Variants in ANKRD16 observed in about 807,000 individuals in gnomAD.
The protein encoded by ANKRD16 is ankyrin repeat domain 16.
A neutral mutation model predicts 37.9 loss-of-function variants in ANKRD16; 35 were observed. The ratio of observed to expected loss-of-function variants is 0.92; its 90% CI spans 0.71 to 1.23. The LOEUF (loss-of-function observed/expected upper bound fraction) is 1.23. Among genes scored for constraint, ANKRD16 ranks in the 50% most tolerant of loss-of-function variants. ANKRD16 has a pLI of 0.00. For missense variants in ANKRD16, 480 were observed against 469.9 expected (o/e 1.02, Z -0.20); for synonymous variants, 206 against 197.2 (o/e 1.04, Z -0.37).
rs868023691 is a variant in ANKRD16 at position 5,866,708 on chromosome 10, G to A, written c.*34-4017C>T. 1.3e-5 allele frequency among the ~76,000 whole-genome samples: 2 copies of A among 152,174 alleles called. No homozygotes were observed. Among genetic ancestry groups the A allele is most frequent in the South Asian group, 4.1e-4 (2 of 4,830 alleles). On this transcript the variant is annotated intron_variant, in intron 7 of 7. Coordinates refer to ENST00000380094, the MANE Select transcript of ANKRD16 (RefSeq NM_019046.3). The surrounding 1 kb of genome is among the most constrained non-coding windows in gnomAD (Gnocchi z 4.3). The stretch of plus-strand genomic sequence containing the variant: ...GAAGCCATCAAAAAGGGGAAGGAGA[G>A]GGGAGAACAGCAGCGTAAGTGGCTG...
At position 5,864,743 on chromosome 10, in the gene ANKRD16, G is replaced by C. The variant is rs1276665913; in HGVS notation, c.*34-2052C>G. ...ACCTCAACTCAGACCATGGGTACTG[G>C]AGTTGTAAACATCTGCTGATCTGTG... is the stretch of plus-strand genomic sequence containing the variant. On this transcript the variant is annotated intron_variant, in intron 7 of 7. Coordinates refer to ENST00000380094, the MANE Select transcript of ANKRD16 (RefSeq NM_019046.3). This position sits in a 1 kb window ranked among gnomAD's most constrained non-coding sequence, Gnocchi z 4.4. Among the ~76,000 whole-genome samples, 2 of 151,662 alleles carry C rather than the reference G, an allele frequency of 1.3e-5. No homozygotes were observed. The highest frequency in any genetic ancestry group is 2.4e-5 in the African/African-American group (1 of 40,954).
chr10:5,888,319 T>C (rs1404103546), intron 1 of ANKRD16, among the ~76,000 whole-genome samples: 1 of 152,178 alleles, frequency 6.6e-6, no homozygotes, highest in African/African-American at 2.4e-5. Context: ...ACAAAGCAGC[T>C]TATAAGCTAG....
At chr10:5,885,535 G>A (rs1322767357) in intron 3 of ANKRD16, among the ~76,000 whole-genome samples, 188 bp downstream of exon 3, 1 of 152,040 alleles carries the variant, frequency 6.6e-6, no homozygotes, top group Non-Finnish European at 1.5e-5. Context: ...TTTTGCCGCT[G>A]AAAACATTTT....
Position 5,889,485 on chromosome 10 carries a change from A to G in ANKRD16, c.-131T>C. On this transcript the variant is annotated 5_prime_UTR_variant, in exon 1 of 8. Transcript: ENST00000380094. Reference sequence around the variant, plus strand: ...CTGCCCCGCGCGCCCCGAACCCGGCAGAACCGCCCCTCACGCCCCCGGCTT... The same window carrying G: ...CTGCCCCGCGCGCCCCGAACCCGGCGGAACCGCCCCTCACGCCCCCGGCTT... 1 of 595,824 alleles carries G rather than the reference A, an allele frequency of 1.7e-6. No homozygotes were observed. Among genetic ancestry groups the G allele is most frequent in the Middle Eastern group, 6.3e-4 (1 of 1,576 alleles). The allele number at this position is 595,824 out of a possible 1,614,324, so 36.9% of individuals were successfully genotyped here.
chr10:5,867,899 G>A (rs189164520), intron 7 of ANKRD16, among the ~76,000 whole-genome samples: 33 of 152,320 alleles, frequency 2.2e-4, no homozygotes, highest in Non-Finnish European at 4.6e-4. Flanking sequence ...CCGAGGCTTG[G>A]ACCTCCTCAC....
chr10:5,872,708 C>T (rs986959667), intron 7 of ANKRD16, among the ~76,000 whole-genome samples: 13 of 151,594 alleles, frequency 8.6e-5, no homozygotes, highest in East Asian at 4.0e-4. Flanking sequence ...AGGCGCCCGC[C>T]ACCACACCCG....
In ANKRD16 at chr10:5,888,016, C is replaced by T; in HGVS notation, c.366G>A (p.Glu122=). 1 of 1,614,196 alleles carries T rather than the reference C, an allele frequency of 6.2e-7. No homozygotes were observed. Among genetic ancestry groups the T allele is most frequent in the East Asian group, 2.2e-5 (1 of 44,888 alleles). ...GTGGATTGGCGCCATGTTCCACCAGCTCCTGGATCACCCCCAGGTTCTTCC... is the reference window on the plus strand; with the variant it reads ...GTGGATTGGCGCCATGTTCCACCAGTTCCTGGATCACCCCCAGGTTCTTCC... ...CTRKNLGVIQ[E]LVEHGANPLL... is the part of the protein sequence containing the mutation. Residue 122 remains glutamate (E), a synonymous_variant, in exon 2 of 8, where the codon GAG becomes GAA. Coordinates refer to ENST00000380094, the MANE Select transcript of ANKRD16 (RefSeq NM_019046.3).
At chr10:5,882,949 C>A in intron 5 of ANKRD16, 57 bp downstream of exon 5, 1 of 1,577,642 alleles carries the variant, frequency 6.3e-7, no homozygotes, top group Non-Finnish European at 8.6e-7. Flanking sequence ...AGCTACTGAT[C>A]AAAGAAGTAA....
At position 5,874,038 on chromosome 10, in the gene ANKRD16, G is replaced by A. The variant is rs1490472549; in HGVS notation, c.*33+4059C>T. 1.3e-5 allele frequency among the ~76,000 whole-genome samples: 2 copies of A among 151,872 alleles called. No individual in the cohort carries two copies. Among genetic ancestry groups the A allele is most frequent in the Non-Finnish European group, 2.9e-5 (2 of 67,992 alleles). ...CCCAAGTAGCTGGGATTACAGGCGG[G>A]TGCCACCACGCCTGGCTAATTTTTG... On this transcript the variant is annotated intron_variant, in intron 7 of 7. Transcript: ENST00000380094. This position sits in a 1 kb window ranked among gnomAD's most constrained non-coding sequence, Gnocchi z 4.7.
chr10:5,887,995 A>T lies in ANKRD16; in HGVS notation c.387T>A (p.Asn129Lys). ...AGCCATCTTTGTTCTTCAGGAGTGG[A>T]TTGGCGCCATGTTCCACCAGCTCCT... is the stretch of plus-strand genomic sequence containing the variant. ...VIQELVEHGA[N>K]PLLKNKDGWN... Residue 129 changes from asparagine (N) to lysine (K), a missense_variant, in exon 2 of 8, where the codon AAT (asparagine) becomes AAA (lysine). Coordinates refer to ENST00000380094, the MANE Select transcript of ANKRD16 (RefSeq NM_019046.3). 6.2e-7 allele frequency: 1 copy of T among 1,614,178 alleles called. No individual in the cohort carries two copies. Among genetic ancestry groups the T allele is most frequent in the African/African-American group, 1.3e-5 (1 of 75,058 alleles).
rs1001789988 is a variant in ANKRD16 at position 5,865,257 on chromosome 10, C to T, written c.*34-2566G>A. Among the ~76,000 whole-genome samples, 1 of 152,172 alleles carries T rather than the reference C, an allele frequency of 6.6e-6. No individual in the cohort carries two copies. Among genetic ancestry groups the T allele is most frequent in the African/African-American group, 2.4e-5 (1 of 41,436 alleles). On this transcript the variant is annotated intron_variant, in intron 7 of 7. Transcript: ENST00000380094. The surrounding 1 kb of genome is among the most constrained non-coding windows in gnomAD (Gnocchi z 4.7). ...AGACTGTCCAACAAGAAACAAGCTG[C>T]CCCCTCGCCCATGTCCACTATGCCG... is the stretch of plus-strand genomic sequence containing the variant.
In ANKRD16 at chr10:5,862,777, C is replaced by CAGCCCTGAGTCCAGCTG; in HGVS notation, c.*34-87_*34-86insCAGCTGGACTCAGGGCT. The CAGCCCTGAGTCCAGCTG allele has an allele frequency of 2.1e-6, 2 of 953,248 alleles. No individual in the cohort carries two copies. Among genetic ancestry groups the CAGCCCTGAGTCCAGCTG allele is most frequent in the Non-Finnish European group, 2.9e-6 (2 of 682,978 alleles). The allele number at this position is 953,248 out of a possible 1,614,324, so 59.0% of individuals were successfully genotyped here. ...AAGCAGCTAGCACAAGGTCCCACAG[C>CAGCCCTGAGTCCAGCTG]TGGACTCAGGGCTGCTGGCTACAGG... On this transcript the variant is annotated intron_variant, in intron 7 of 7. Transcript: ENST00000380094. The surrounding 1 kb of genome is among the most constrained non-coding windows in gnomAD (Gnocchi z 6.5).
rs1842233401 is a variant in ANKRD16, at chr10:5,878,971, C to T, written c.929-684G>A. On this transcript the variant is annotated intron_variant, in intron 6 of 7. Coordinates refer to ENST00000380094, the MANE Select transcript of ANKRD16 (RefSeq NM_019046.3). This position sits in a 1 kb window ranked among gnomAD's most constrained non-coding sequence, Gnocchi z 5.1. ...AAGTAAAAATATCACCACAAATAAT[C>T]ACGTAGCCAAAAAAACACTTTTGAA... Among the ~76,000 whole-genome samples, 1 of 152,142 alleles carries T rather than the reference C, an allele frequency of 6.6e-6. No homozygotes were observed. The highest frequency in any genetic ancestry group is 1.5e-5 in the Non-Finnish European group (1 of 68,036).
rs1159542268 is a variant in ANKRD16, at chr10:5,883,958, C to G, written c.687+11G>C. ...AGAACCAAAAGAATAAAAACACAAC[C>G]ATTTTTATACCCCATGTTCATCGAG... is the stretch of plus-strand genomic sequence containing the variant. On this transcript the variant is annotated intron_variant, in intron 4 of 7. Coordinates refer to ENST00000380094, the MANE Select transcript of ANKRD16 (RefSeq NM_019046.3). 1 of 1,609,574 alleles carries G rather than the reference C, an allele frequency of 6.2e-7. No homozygotes were observed. Among genetic ancestry groups the G allele is most frequent in the South Asian group, 1.1e-5 (1 of 90,834 alleles).
intron 6 of ANKRD16, among the ~76,000 whole-genome samples, chr10:5,879,727 T>TTTAAATAATA (rs151321997): frequency 1.3e-5 from 2 of 151,582 alleles, no homozygotes; most frequent in African/African-American, 2.4e-5. Flanking sequence ...GCATATATTG[T>TTTAAATAATA]TATGGTTTAA....
At chr10:5,873,132 C>G (rs1352779205) in intron 7 of ANKRD16, among the ~76,000 whole-genome samples, 2 of 151,322 alleles carry the variant, frequency 1.3e-5, no homozygotes, top group Non-Finnish European at 2.9e-5. Flanking sequence ...CGGGTTTAAG[C>G]AATTCTCCTG....
At chr10:5,876,368 G>A (rs932568534) in intron 7 of ANKRD16, among the ~76,000 whole-genome samples, 1 of 152,242 alleles carries the variant, frequency 6.6e-6, no homozygotes, top group Non-Finnish European at 1.5e-5. Context: ...CCAAGTGGAA[G>A]CTGATCGTGC....
At chr10:5,873,862 A>G (rs1842143395) in intron 7 of ANKRD16, among the ~76,000 whole-genome samples, 2 of 149,736 alleles carry the variant, frequency 1.3e-5, no homozygotes, top group African/African-American at 4.9e-5. Context: ...AGGTCATTAC[A>G]ATTTTTACCT....
chr10:5,873,003 G>C (rs188885780), intron 7 of ANKRD16, among the ~76,000 whole-genome samples: 1 of 148,532 alleles, frequency 6.7e-6, no homozygotes, highest in Non-Finnish European at 1.5e-5. Context: ...GGGACTACAG[G>C]TGTGCCCCAC....
Sources: gnomAD v4.1 joint callset for allele counts (sites outside exome capture counted in the v4.1 genomes callset) on GRCh38, gnomAD v4.1.1 for gene constraint, Gnocchi (gnomAD v3.1) non-coding constraint, MANE v1.5 for transcripts, NCBI Gene and HGNC (gene_info 2026-07-23, HGNC 2026-07-21) for gene names.